The following CCDC141 variants were observed in gnomAD, a reference collection of about 807,000 sequenced individuals.
CCDC141 encodes the protein coiled-coil domain-containing protein 141.
Under a neutral mutation model 181.0 loss-of-function variants are expected in CCDC141, and 168 were observed. The ratio of observed to expected loss-of-function variants is 0.93; its 90% confidence interval spans 0.82 to 1.05. CCDC141 has a LOEUF of 1.05. Ranked by LOEUF, CCDC141 falls within the 50% of genes least tolerant of loss-of-function variation. The probability of loss-of-function intolerance (pLI) is 0.00; values close to 1 mark genes in which losing one functional copy is unlikely to be tolerated. For synonymous variants in CCDC141, 666 were observed against 642.3 expected (o/e 1.04, Z -0.56); for missense variants, 1,902 against 1,788.5 (o/e 1.06, Z -1.14).
intron 4 of CCDC141, among the ~76,000 whole-genome samples, chr2:178,969,256 G>A (rs1690774427): frequency 1.3e-5 from 2 of 152,034 alleles, no homozygotes; most frequent in South Asian, 4.1e-4. Flanking sequence ...ATTTTATGAG[G>A]CCAGCATCAT....
chr2:178,933,910 A>T (rs1453222433), intron 6 of CCDC141, among the ~76,000 whole-genome samples: 1 of 152,222 alleles, frequency 6.6e-6, no homozygotes, highest in Admixed American at 6.5e-5. Context: ...GGCTCCAGCC[A>T]GGAGTCACTA....
At chr2:179,008,453 C>A (rs2042173464) in intron 2 of CCDC141, among the ~76,000 whole-genome samples, 1 of 152,122 alleles carries the variant, frequency 6.6e-6, no homozygotes, top group African/African-American at 2.4e-5. Context: ...ACCTCTGAAG[C>A]CAATCCTTCC....
At chr2:178,971,377 T>C (rs928318813) in intron 4 of CCDC141, among the ~76,000 whole-genome samples, 1 of 152,134 alleles carries the variant, frequency 6.6e-6, no homozygotes, top group Admixed American at 6.5e-5. Context: ...TGAGATACCA[T>C]CTCACACCAG....
intron 10 of CCDC141, among the ~76,000 whole-genome samples, chr2:178,885,400 G>A (rs966885891): frequency 1.3e-5 from 2 of 152,124 alleles, no homozygotes; most frequent in African/African-American, 2.4e-5. Flanking sequence ...TAATTTAAAT[G>A]AAATAATTAT....
rs917559828 is a variant in CCDC141, at chr2:178,871,544, G to T, written c.2088C>A (p.His696Gln). 10 of 1,611,842 alleles carry T rather than the reference G, an allele frequency of 6.2e-6. No homozygotes were observed. The African/African-American group carries it at 8.0e-5, about 13-fold the overall frequency. ...AFKEQLKKTS[H>Q]NLKLLQEALM... ...GTGCTTCCTGAAGAAGTTTTAAGTT[G>T]TGAGAAGTCTGAAATAAATATTGGA... Residue 696 changes from histidine to glutamine, a missense_variant, in exon 14 of 24, where the codon CAC becomes CAA. Transcript: ENST00000443758.
intron 6 of CCDC141, among the ~76,000 whole-genome samples, chr2:178,928,643 A>T (rs887959814): frequency 1.3e-5 from 2 of 152,246 alleles, no homozygotes; most frequent in African/African-American, 2.4e-5. Context: ...GAGCTGGTAA[A>T]GATTCTGTAA....
chr2:178,917,015 G>C (rs984813023), intron 7 of CCDC141, among the ~76,000 whole-genome samples: 2 of 151,662 alleles, frequency 1.3e-5, no homozygotes, highest in African/African-American at 4.8e-5. Flanking sequence ...TCCCAGCAAA[G>C]TACAAAATAA....
At position 178,928,130 on chromosome 2, in the gene CCDC141, A is replaced by C. The variant is rs564241459; in HGVS notation, c.898-9223T>G. 5.3e-5 allele frequency among the ~76,000 whole-genome samples: 8 copies of C among 152,324 alleles called. 1 individual carries two copies. The highest frequency in any genetic ancestry group is 1.9e-4 in the African/African-American group (8 of 41,570). On this transcript the variant is annotated intron_variant, in intron 6 of 23. Coordinates refer to ENST00000443758, the MANE Select transcript of CCDC141 (RefSeq NM_173648.4). ...TAGGAAGAAACAGAGAAACCGGGTG[A>C]CTGAGTTTACTCACAACAGTCCTGG...
At chr2:178,968,870 A>G (rs1690752006) in intron 4 of CCDC141, among the ~76,000 whole-genome samples, 1 of 152,044 alleles carries the variant, frequency 6.6e-6, no homozygotes, top group Admixed American at 6.6e-5. Flanking sequence ...GAGAAGAATG[A>G]AATAGGCACA....
intron 5 of CCDC141, among the ~76,000 whole-genome samples, chr2:178,954,427 G>A (rs1029788141): frequency 1.3e-5 from 2 of 152,158 alleles, no homozygotes; most frequent in Non-Finnish European, 2.9e-5. Context: ...TTATCTTTAT[G>A]AGGCTATCAC....
At chr2:178,898,965 G>A (rs1392123959) in intron 8 of CCDC141, among the ~76,000 whole-genome samples, 1 of 152,078 alleles carries the variant, frequency 6.6e-6, no homozygotes, top group East Asian at 1.9e-4. Flanking sequence ...TGATACAACT[G>A]ACTGTGCTGT....
intron 2 of CCDC141, among the ~76,000 whole-genome samples, chr2:178,987,997 C>G (rs1269895867): frequency 2.6e-5 from 4 of 151,678 alleles, no homozygotes; most frequent in Non-Finnish European, 4.4e-5. Flanking sequence ...ATAAATCATG[C>G]TGCTATAAAG....
chr2:178,982,741 T>C (rs371571914), intron 2 of CCDC141, among the ~76,000 whole-genome samples: 1 of 152,112 alleles, frequency 6.6e-6, no homozygotes, highest in East Asian at 1.9e-4. Context: ...CCCACCCGAA[T>C]ACTGAGCTTT....
chr2:178,856,764 T>C (rs1050050000), intron 17 of CCDC141, among the ~76,000 whole-genome samples: 1 of 152,118 alleles, frequency 6.6e-6, no homozygotes, highest in African/African-American at 2.4e-5. Context: ...TTTGTATTTT[T>C]AGTGGAGACA....
At chr2:179,024,527 C>T (rs1279386248) in intron 2 of CCDC141, among the ~76,000 whole-genome samples, 1 of 152,154 alleles carries the variant, frequency 6.6e-6, no homozygotes, top group Non-Finnish European at 1.5e-5. Flanking sequence ...CATGGTCTGT[C>T]ATGAAACACA....
At chr2:178,924,130 C>T (rs1393432624) in intron 6 of CCDC141, among the ~76,000 whole-genome samples, 1 of 152,124 alleles carries the variant, frequency 6.6e-6, no homozygotes. Flanking sequence ...GGTAAATTTT[C>T]GTTATAAGCT....
intron 8 of CCDC141, among the ~76,000 whole-genome samples, chr2:178,891,625 T>C (rs776258720): frequency 7.9e-5 from 12 of 152,170 alleles, no homozygotes; most frequent in Non-Finnish European, 1.8e-4. Context: ...AGGGTCATGG[T>C]AGCTTGCTCA....
intron 13 of CCDC141, 114 bp from the exon 14 acceptor site, chr2:178,871,666 C>T (rs1686126329): frequency 8.3e-7 from 1 of 1,204,382 alleles, no homozygotes; most frequent in African/African-American, 1.5e-5. Context: ...CATGAAAACA[C>T]TCAGGATGTG....
At chr2:178,957,400 C>G (rs536158006) in intron 5 of CCDC141, among the ~76,000 whole-genome samples, 4 of 152,304 alleles carry the variant, frequency 2.6e-5, no homozygotes, top group African/African-American at 9.6e-5. Context: ...TGGCCAAAAT[C>G]TAGAACACTG....
Sources: allele counts gnomAD v4.1 joint callset (sites outside exome capture counted in the v4.1 genomes callset), GRCh38; gene constraint gnomAD v4.1.1; transcripts MANE v1.5; gene names NCBI Gene and HGNC (gene_info 2026-07-23, HGNC 2026-07-21).